The following DOCK1 variants were observed in gnomAD, a reference collection of about 807,000 sequenced individuals.
The protein encoded by DOCK1 is dedicator of cytokinesis 1.
Under a neutral mutation model 262.7 loss-of-function variants are expected in DOCK1, and 138 were observed. That is an observed-to-expected ratio of 0.53 (90% CI 0.46 to 0.61). The LOEUF (loss-of-function observed/expected upper bound fraction) is 0.61, where lower values mean the gene tolerates loss of function less well. DOCK1 is among the 20% of genes least tolerant of loss of function. The pLI, the probability that DOCK1 is intolerant of heterozygous loss-of-function variation, is 0.00. For synonymous variants in DOCK1, 866 were observed against 867.4 expected (o/e 1.00, Z 0.03); for missense variants, 1,908 against 2,370.7 (o/e 0.80, Z 4.05).
chr10:127,140,149 C>CT (rs537727819), intron 27 of DOCK1, among the ~76,000 whole-genome samples: 9 of 152,182 alleles, frequency 5.9e-5, no homozygotes, highest in Non-Finnish European at 1.0e-4. Context: ...ATCTCCTAGG[C>CT]TAACAGTACA....
intron 47 of DOCK1, among the ~76,000 whole-genome samples, chr10:127,429,287 C>T (rs917764256): frequency 2.6e-5 from 4 of 152,084 alleles, no homozygotes; most frequent in Non-Finnish European, 5.9e-5. Flanking sequence ...ACCCACCTTG[C>T]AGAGTCCTGC....
intron 23 of DOCK1, among the ~76,000 whole-genome samples, chr10:127,098,206 T>C (rs2048020951): frequency 1.3e-5 from 2 of 152,232 alleles, no homozygotes; most frequent in Non-Finnish European, 2.9e-5. Context: ...TTCACTGATT[T>C]ACAAAAATAA....
At chr10:127,326,897 T>G (rs961203059) in intron 29 of DOCK1, among the ~76,000 whole-genome samples, 13 of 152,206 alleles carry the variant, frequency 8.5e-5, no homozygotes, top group African/African-American at 2.9e-4. Context: ...TCCTTGTACA[T>G]CTCCATCAGA....
intron 25 of DOCK1, among the ~76,000 whole-genome samples, chr10:127,121,037 C>T (rs925755998): frequency 8.5e-5 from 13 of 152,096 alleles, no homozygotes; most frequent in African/African-American, 2.9e-4. Context: ...AACTCTTAAA[C>T]GCTCTAGATA....
At position 127,383,468 on chromosome 10, in the gene DOCK1, C is replaced by G. The variant is rs570881148; in HGVS notation, c.3808-1322C>G. On this transcript the variant is annotated intron_variant, in intron 37 of 51. Coordinates refer to ENST00000623213, the MANE Select transcript of DOCK1 (RefSeq NM_001290223.2). Reference sequence around the variant, plus strand: ...CAAACTTCAAAGTTAAAGAGTTTGTCCAATTGTGATGGAGATATGCAAGTT... The same window carrying G: ...CAAACTTCAAAGTTAAAGAGTTTGTGCAATTGTGATGGAGATATGCAAGTT... 2.6e-5 allele frequency among the ~76,000 whole-genome samples: 4 copies of G among 152,226 alleles called. No homozygotes were observed. In the South Asian group the frequency reaches 8.3e-4, roughly 32 times the overall value.
rs964938288 is a variant in DOCK1 at position 127,374,536 on chromosome 10, C to T, written c.3675+322C>T. 3.3e-5 allele frequency among the ~76,000 whole-genome samples: 5 copies of T among 152,252 alleles called. No homozygotes were observed. In the East Asian group the frequency reaches 5.8e-4, roughly 18 times the overall value. On this transcript the variant is annotated intron_variant, in intron 35 of 51. Transcript: ENST00000623213. ...CTTTGTGATTAGGAGACCATAAACGCGTGCTATGTAGTACATAGGCTGAAT... is the reference window on the plus strand; with the variant it reads ...CTTTGTGATTAGGAGACCATAAACGTGTGCTATGTAGTACATAGGCTGAAT...
chr10:127,052,826 AT>A lies in DOCK1; in HGVS notation c.2336+12del, dbSNP rs1159862117. ...GATCCTGTTCAATCAGTGCGTACCT[AT>A]CCCCTCCATGCCCGGGCTCTCAGAG... On this transcript the variant is annotated intron_variant, in intron 22 of 51. Transcript: ENST00000623213. 2 of 1,603,944 alleles carry A rather than the reference AT, an allele frequency of 1.2e-6. No homozygotes were observed. Among genetic ancestry groups the A allele is most frequent in the Non-Finnish European group, 1.7e-6 (2 of 1,174,760 alleles).
chr10:127,031,192 C>T (rs1172124039), intron 16 of DOCK1, among the ~76,000 whole-genome samples: 12 of 152,228 alleles, frequency 7.9e-5, no homozygotes, highest in Admixed American at 3.3e-4. Flanking sequence ...CAGCCTCTGT[C>T]GTTTACTGTG....
chr10:126,950,874 G>A (rs1393329115), intron 1 of DOCK1, among the ~76,000 whole-genome samples: 1 of 152,152 alleles, frequency 6.6e-6, no homozygotes, highest in Non-Finnish European at 1.5e-5. Context: ...TGGTACTGGT[G>A]ATAGCGGTGG....
chr10:126,945,455 AAGAG>A (rs1261260472), intron 1 of DOCK1, among the ~76,000 whole-genome samples: 17 of 148,304 alleles, frequency 1.1e-4, no homozygotes, highest in East Asian at 7.9e-4. Flanking sequence ...GAGAAGGGGA[AAGAG>A]AGAGAGAGAG....
chr10:127,030,812 G>A (rs146298829), intron 16 of DOCK1, among the ~76,000 whole-genome samples: 200 of 151,796 alleles, frequency 1.3e-3, no homozygotes, highest in South Asian at 4.6e-3. Context: ...CTCTGTCTCT[G>A]TCTCTGTCTC....
chr10:127,439,298 C>A, intron 49 of DOCK1, 73 bp downstream of exon 49: 2 of 1,466,488 alleles, frequency 1.4e-6, no homozygotes, highest in Admixed American at 2.2e-5. Flanking sequence ...CTGTAGCCAA[C>A]AGGGCTGACG....
At chr10:126,938,782 AACACCAGCGGGG>A (rs2034734358) in intron 1 of DOCK1, among the ~76,000 whole-genome samples, 3 of 50,278 alleles carry the variant, frequency 6.0e-5, no homozygotes, top group Admixed American at 1.6e-4. Context: ...GGAGGGGATG[AACACCAGCGGGG>A]ATGAGCACCG....
intron 27 of DOCK1, among the ~76,000 whole-genome samples, chr10:127,202,310 G>A (rs1374748167): frequency 2.0e-5 from 3 of 151,246 alleles, no homozygotes; most frequent in African/African-American, 2.4e-5. Context: ...GTGACAGAGC[G>A]AGACTCTGTC....
At chr10:127,063,427 C>G (rs541221760) in intron 23 of DOCK1, among the ~76,000 whole-genome samples, 1 of 152,040 alleles carries the variant, frequency 6.6e-6, no homozygotes, top group Non-Finnish European at 1.5e-5. Flanking sequence ...AGAGGTGGTG[C>G]AGCTGTTTGG....
intron 1 of DOCK1, among the ~76,000 whole-genome samples, chr10:126,925,863 G>T (rs1452974052): frequency 1.3e-5 from 2 of 151,902 alleles, no homozygotes; most frequent in African/African-American, 4.8e-5. Flanking sequence ...GGTGTGATGT[G>T]GGGTGTGCCT....
At chr10:127,273,719 T>A (rs1007230757) in intron 29 of DOCK1, among the ~76,000 whole-genome samples, 2 of 152,090 alleles carry the variant, frequency 1.3e-5, no homozygotes, top group South Asian at 4.1e-4. Context: ...CCATCTCTAC[T>A]AAAAGTAAAA....
At chr10:127,155,786 A>G (rs1256657337) in intron 27 of DOCK1, among the ~76,000 whole-genome samples, 2 of 152,100 alleles carry the variant, frequency 1.3e-5, no homozygotes, top group Non-Finnish European at 2.9e-5. Flanking sequence ...AGCTAATTCT[A>G]CTGGAGCTCG....
intron 27 of DOCK1, chr10:127,135,701 G>A (rs972837863): frequency 6.6e-6 from 1 of 152,580 alleles, no homozygotes; most frequent in East Asian, 1.9e-4. Context: ...TTTATCTTCA[G>A]AAGTTCCTTT....
Sources: gnomAD v4.1 joint callset for allele counts (sites outside exome capture counted in the v4.1 genomes callset) on GRCh38, gnomAD v4.1.1 for gene constraint, MANE v1.5 for transcripts, NCBI Gene and HGNC (gene_info 2026-07-23, HGNC 2026-07-21) for gene names.